The following FER1L6 variants were observed in gnomAD, a reference collection of about 807,000 sequenced individuals.
FER1L6 encodes the protein fer-1-like protein 6.
A neutral mutation model predicts 219.2 loss-of-function variants in FER1L6; 177 were observed. The observed-to-expected ratio is 0.81, with a 90% confidence interval of 0.71 to 0.91. FER1L6 has a LOEUF of 0.91. Among genes scored for constraint, FER1L6 ranks in the 40% least tolerant of loss-of-function variants. FER1L6 has a pLI of 0.00. For missense variants in FER1L6, 2,153 were observed against 2,259.9 expected, an observed-to-expected ratio of 0.95 and a Z score of 0.96; for synonymous variants, 768 against 824.3, an observed-to-expected ratio of 0.93 and a Z score of 1.17.
intron 5 of FER1L6, among the ~76,000 whole-genome samples, chr8:123,966,721 C>T (rs1815557900): frequency 6.6e-6 from 1 of 152,146 alleles, no homozygotes; most frequent in Non-Finnish European, 1.5e-5. Flanking sequence ...TTTTTCTAAG[C>T]TGTGTAGAAA....
intron 37 of FER1L6, among the ~76,000 whole-genome samples, chr8:124,100,137 C>T (rs577656574): frequency 6.6e-6 from 1 of 152,280 alleles, no homozygotes; most frequent in Admixed American, 6.5e-5. Context: ...GCCTTCACTC[C>T]CCTCCTCCCT....
intron 1 of FER1L6, among the ~76,000 whole-genome samples, chr8:123,863,251 C>T (rs1816775114): frequency 1.9e-5 from 1 of 51,954 alleles, no homozygotes; most frequent in South Asian, 6.7e-4. Context: ...AGTAGTCATT[C>T]AGGAGCAGGT....
intron 1 of FER1L6, among the ~76,000 whole-genome samples, chr8:123,909,925 G>A (rs1346936191): frequency 6.6e-6 from 1 of 152,130 alleles, no homozygotes; most frequent in Non-Finnish European, 1.5e-5. Context: ...TCATCAATCA[G>A]GACTTTGCAA....
At chr8:124,094,720 CA>C (rs1275833067) in intron 34 of FER1L6, among the ~76,000 whole-genome samples, 175 bp from the exon 35 acceptor site, 1 of 152,166 alleles carries the variant, frequency 6.6e-6, no homozygotes, top group Non-Finnish European at 1.5e-5. Context: ...CTCCTGACCT[CA>C]AGTGATCTAC....
At chr8:124,084,184 A>T (rs1292502727) in intron 33 of FER1L6, among the ~76,000 whole-genome samples, 13 of 146,632 alleles carry the variant, frequency 8.9e-5, no homozygotes, top group African/African-American at 2.3e-4. Flanking sequence ...TTTTTTTTTT[A>T]AATATAAGAT....
chr8:123,980,414 T>A (rs767506342), intron 10 of FER1L6, 51 bp from the exon 11 acceptor site: 1 of 1,464,828 alleles, frequency 6.8e-7, no homozygotes, highest in Non-Finnish European at 9.2e-7. Context: ...TGTGTGCAAC[T>A]TTTATAAAGC....
intron 1 of FER1L6, 50 bp from the exon 2 acceptor site, chr8:123,955,942 G>A (rs1814994633): frequency 3.0e-5 from 46 of 1,524,974 alleles, no homozygotes; most frequent in African/African-American, 8.2e-5. Flanking sequence ...CTCCTAACAC[G>A]TCTAAATGAC....
At chr8:124,072,519 C>T (rs1196710572) in intron 31 of FER1L6, among the ~76,000 whole-genome samples, 7 of 152,098 alleles carry the variant, frequency 4.6e-5, no homozygotes, top group Admixed American at 3.3e-4. Context: ...TTATATCAAC[C>T]GTTTGCTTCC....
chr8:123,856,314 G>GTATATATATATA (rs1330740126), intron 1 of FER1L6, among the ~76,000 whole-genome samples: 1 of 44,800 alleles, frequency 2.2e-5, no homozygotes, highest in African/African-American at 8.6e-5. Flanking sequence ...ATATATGTAT[G>GTATATATATATA]TGTATATATA....
intron 1 of FER1L6, among the ~76,000 whole-genome samples, chr8:123,878,673 C>T (rs377098008): frequency 1.8e-4 from 27 of 152,306 alleles, no homozygotes; most frequent in African/African-American, 6.5e-4. Context: ...CATGTGGAAT[C>T]GTGCTTGGCA....
chr8:124,046,770 T>A (rs1819757967), intron 21 of FER1L6: 2 of 152,266 alleles, frequency 1.3e-5, no homozygotes, highest in Admixed American at 1.3e-4. Flanking sequence ...AGTTCCCATC[T>A]TGCTTCCTAG....
At chr8:123,874,465 C>CTAA (rs1394521031) in intron 1 of FER1L6, among the ~76,000 whole-genome samples, 1 of 152,124 alleles carries the variant, frequency 6.6e-6, no homozygotes, top group East Asian at 1.9e-4. Flanking sequence ...TCAGTCCCTG[C>CTAA]TAATAGTAAG....
At chr8:124,106,305 G>A (rs978694395) in intron 39 of FER1L6, among the ~76,000 whole-genome samples, 3 of 111,126 alleles carry the variant, frequency 2.7e-5, no homozygotes, top group Admixed American at 1.3e-4. Flanking sequence ...CTCCAGCCTG[G>A]GCGACAGAGT....
intron 1 of FER1L6, among the ~76,000 whole-genome samples, chr8:123,941,895 C>A (rs1037066504): frequency 6.6e-6 from 1 of 151,980 alleles, no homozygotes; most frequent in Non-Finnish European, 1.5e-5. Context: ...CAGCTGTGTA[C>A]CCTCGGACCA....
chr8:123,938,157 G>A (rs570371283), intron 1 of FER1L6, among the ~76,000 whole-genome samples: 181 of 152,294 alleles, frequency 1.2e-3, no homozygotes, highest in Admixed American at 2.5e-3. Context: ...AACCTGAGGA[G>A]GCTCAGTTTA....
intron 13 of FER1L6, among the ~76,000 whole-genome samples, chr8:124,007,605 T>G (rs1817721934): frequency 6.6e-6 from 1 of 152,244 alleles, no homozygotes; most frequent in South Asian, 2.1e-4. Flanking sequence ...CTGCCTCTTA[T>G]CAGCATGCTC....
rs1362843119 is a variant in FER1L6 at position 123,855,029 on chromosome 8, C to G, written c.-8+2844C>G. On this transcript the variant is annotated intron_variant, in intron 1 of 40. Coordinates refer to ENST00000522917, the MANE Select transcript of FER1L6 (RefSeq NM_001039112.2). ...AAGCAGTTTTAGCTCCAAAGGAGAC[C>G]CTATTACTCTCAGCTTTCCCTCTTC... 3.9e-5 allele frequency among the ~76,000 whole-genome samples: 6 copies of G among 152,034 alleles called. No individual in the cohort carries two copies. In the East Asian group the frequency reaches 1.2e-3, roughly 29 times the overall value.
rs115408018 is a variant in FER1L6, at chr8:123,956,353, C to T, written c.76+279C>T. Among the ~76,000 whole-genome samples, 255 of 152,292 alleles carry T rather than the reference C, an allele frequency of 1.7e-3. 1 individual carries two copies. The highest frequency in any genetic ancestry group is 5.1e-3 in the African/African-American group (210 of 41,578). On this transcript the variant is annotated intron_variant, in intron 2 of 40. Coordinates refer to ENST00000522917, the MANE Select transcript of FER1L6 (RefSeq NM_001039112.2). ...GTTTCTGTTCTTATTTGTCCTGTGA[C>T]GTAGGATGAGTGGCTCTGAGTCTCA...
At position 123,898,836 on chromosome 8, in the gene FER1L6, T is replaced by TGTGTATATATATATATAC. The variant is rs1563677689; in HGVS notation, c.-8+46651_-8+46652insGTGTATATATATATATAC. Among the ~76,000 whole-genome samples the TGTGTATATATATATATAC allele has an allele frequency of 2.2e-5, 3 of 134,692 alleles. 1 individual carries two copies. In the Admixed American group the frequency reaches 2.3e-4, roughly 10 times the overall value. The allele number at this position is 134,692 out of a possible 152,430, so 88.4% of individuals were successfully genotyped here. ...ATATACATATGTGTATATATATATA[T>TGTGTATATATATATATAC]ACATACATATATACACACACACACA... On this transcript the variant is annotated intron_variant, in intron 1 of 40. Coordinates refer to ENST00000522917, the MANE Select transcript of FER1L6 (RefSeq NM_001039112.2).
Sources: allele counts gnomAD v4.1 joint callset (sites outside exome capture counted in the v4.1 genomes callset), GRCh38; gene constraint gnomAD v4.1.1; transcripts MANE v1.5; gene names NCBI Gene and HGNC (gene_info 2026-07-23, HGNC 2026-07-21).